SCN2B: variants seen among roughly 807,000 people sequenced by gnomAD.
SCN2B encodes the protein sodium voltage-gated channel beta subunit 2.
A neutral mutation model predicts 18.2 loss-of-function variants in SCN2B; 14 were observed. That is an observed-to-expected ratio of 0.77 (90% CI 0.51 to 1.21). The LOEUF (loss-of-function observed/expected upper bound fraction) is 1.21, where lower values mean the gene tolerates loss of function less well. Among genes scored for constraint, SCN2B ranks in the 50% most tolerant of loss-of-function variants. SCN2B has a pLI of 0.00. For synonymous variants in SCN2B, 115 were observed against 115.3 expected (o/e 1.00, Z 0.02); for missense variants, 262 against 286.9 (o/e 0.91, Z 0.63).
rs1948470672 is a variant in SCN2B, at chr11:118,176,599, C to T, written c.-168G>A. ...ATTTCCATCTCTCTAATATGGCCGG[C>T]TTGTATGTTGCTGCTAAAAAGAGAG... On this transcript the variant is annotated 5_prime_UTR_variant, in exon 1 of 4. Transcript: ENST00000278947. The T allele has an allele frequency of 3.6e-6, 2 of 558,342 alleles. No individual in the cohort carries two copies. Among genetic ancestry groups the T allele is most frequent in the South Asian group, 4.0e-5 (2 of 49,460 alleles). 34.6% of individuals were successfully genotyped at this position (558,342 alleles called of 1,614,324 possible). A position where few individuals can be genotyped will look rare whatever the true frequency, so the allele number is the denominator to read the frequency against.
chr11:118,168,581 T>TCAC lies in SCN2B; in HGVS notation c.237+1_237+3dup. 1 of 1,614,186 alleles carries TCAC rather than the reference T, an allele frequency of 6.2e-7. No individual in the cohort carries two copies. The highest frequency in any genetic ancestry group is 1.3e-5 in the African/African-American group (1 of 75,068). On this transcript the variant is annotated splice_donor_region_variant and intron_variant, in intron 2 of 3. Transcript: ENST00000278947. The surrounding 1 kb of genome is among the most constrained non-coding windows in gnomAD (Gnocchi z 4.7). ...CCTGCCCCTGCCTTCAGCCCAGGAC[T>TCAC]CACCATCTCCTCAGAGCAGTTGTTG...
rs781769664 is a variant in SCN2B at position 118,176,351 on chromosome 11, G to A, written c.70+11C>T. ...TGAACCCTCGGGAGCATGCAGATGT[G>A]TCTAACTTACCCAAAGAGAAAAAGA... On this transcript the variant is annotated intron_variant, in intron 1 of 3. Transcript: ENST00000278947. 15 of 1,608,480 alleles carry A rather than the reference G, an allele frequency of 9.3e-6. No individual in the cohort carries two copies. Among genetic ancestry groups the A allele is most frequent in the Non-Finnish European group, 1.3e-5 (15 of 1,178,904 alleles).
Position 118,166,249 on chromosome 11 carries a change from G to C in SCN2B, c.*638C>G, listed in dbSNP as rs1948381175. The stretch of plus-strand genomic sequence containing the variant: ...AACGGGAGCCCCAAGGAGGCCACTA[G>C]CAATGGAAACGAGGGCCCAACATGG... On this transcript the variant is annotated 3_prime_UTR_variant, in exon 4 of 4. Transcript: ENST00000278947. 6.2e-6 allele frequency: 1 copy of C among 160,276 alleles called. No homozygotes were observed. The allele number at this position is 160,276 out of a possible 1,614,324, so 9.9% of individuals were successfully genotyped here.
intron 1 of SCN2B, among the ~76,000 whole-genome samples, chr11:118,172,590 T>C (rs1948438221): frequency 6.6e-6 from 1 of 152,252 alleles, no homozygotes; most frequent in South Asian, 2.1e-4. Context: ...GTTGTCCCAT[T>C]TGAGACCAGG....
At chr11:118,172,431 C>T (rs985094077) in intron 1 of SCN2B, among the ~76,000 whole-genome samples, 2 of 152,248 alleles carry the variant, frequency 1.3e-5, no homozygotes, top group African/African-American at 2.4e-5. Flanking sequence ...TGGGTTGAGG[C>T]ATTGAAGCTG....
rs1948401936 is a variant in SCN2B at position 118,168,244 on chromosome 11, C to T, written c.289G>A (p.Asp97Asn). ...GGGTTCCCTGAGAACTCCACGCGGT[C>T]TTGAAACCGCTCCAGCTTCAGGTTA... ...IINLKLERFQ[D>N]RVEFSGNPSK... Residue 97 changes from aspartate to asparagine, a missense_variant, in exon 3 of 4, where the codon GAC becomes AAC. Physicochemically the swap from Asp to Asn is conservative, Grantham distance 23. Coordinates refer to ENST00000278947, the MANE Select transcript of SCN2B (RefSeq NM_004588.5). This position sits in a 1 kb window ranked among gnomAD's most constrained non-coding sequence, Gnocchi z 4.7. 3.7e-6 allele frequency: 6 copies of T among 1,614,084 alleles called. No individual in the cohort carries two copies. The highest frequency in any genetic ancestry group is 3.4e-6 in the Non-Finnish European group (4 of 1,180,042).
chr11:118,175,053 G>A (rs891983787), intron 1 of SCN2B, among the ~76,000 whole-genome samples: 2 of 152,208 alleles, frequency 1.3e-5, no homozygotes, highest in African/African-American at 4.8e-5. Flanking sequence ...ATAGTCATCT[G>A]TTTCCTCCCT....
chr11:118,170,913 C>G (rs944232796), intron 1 of SCN2B, among the ~76,000 whole-genome samples: 1 of 152,080 alleles, frequency 6.6e-6, no homozygotes, highest in Admixed American at 6.5e-5. Flanking sequence ...CCAACCAGTC[C>G]GTAGGAATTG....
rs1330080721 is a variant in SCN2B at position 118,166,815 on chromosome 11, G to T, written c.*72C>A. ...GTCACGGGAAGCACACCAAGAGCGAGCAGGCAGGGTCACTGTACAGGGCGG... is the reference window on the plus strand; with the variant it reads ...GTCACGGGAAGCACACCAAGAGCGATCAGGCAGGGTCACTGTACAGGGCGG... On this transcript the variant is annotated 3_prime_UTR_variant, in exon 4 of 4. Coordinates refer to ENST00000278947, the MANE Select transcript of SCN2B (RefSeq NM_004588.5). 4.4e-6 allele frequency: 7 copies of T among 1,585,600 alleles called. No homozygotes were observed. The highest frequency in any genetic ancestry group is 6.0e-6 in the Non-Finnish European group (7 of 1,160,094).
chr11:118,176,465 C>A lies in SCN2B; in HGVS notation c.-34G>T. ...ACTGAGATGTTAGTCGGGTGGGCTA[C>A]GGGAGAGGGTGATTTGAGGGGGCGA... is the stretch of plus-strand genomic sequence containing the variant. On this transcript the variant is annotated 5_prime_UTR_variant, in exon 1 of 4. Coordinates refer to ENST00000278947, the MANE Select transcript of SCN2B (RefSeq NM_004588.5). 6.4e-7 allele frequency: 1 copy of A among 1,568,390 alleles called. No homozygotes were observed. The highest frequency in any genetic ancestry group is 8.8e-7 in the Non-Finnish European group (1 of 1,138,958).
At position 118,164,265 on chromosome 11, in the gene SCN2B, AC is replaced by A. The variant is rs1030902868; in HGVS notation, c.*2621del. On this transcript the variant is annotated 3_prime_UTR_variant, in exon 4 of 4. Transcript: ENST00000278947. ...GGGAGAGAAGGACACTTAAAGGGTGACCAAAAAAATGAAATCTGCAAGCTGC... is the reference window on the plus strand; with the variant it reads ...GGGAGAGAAGGACACTTAAAGGGTGACAAAAAAATGAAATCTGCAAGCTGC... 1.3e-5 allele frequency: 2 copies of A among 152,632 alleles called. No homozygotes were observed. The highest frequency in any genetic ancestry group is 6.5e-5 in the Admixed American group (1 of 15,290). The allele number at this position is 152,632 out of a possible 1,614,324, so 9.5% of individuals were successfully genotyped here. A position where few individuals can be genotyped will look rare whatever the true frequency, so the allele number is the denominator to read the frequency against.
chr11:118,175,928 C>A (rs559974172), intron 1 of SCN2B, among the ~76,000 whole-genome samples: 3 of 152,290 alleles, frequency 2.0e-5, no homozygotes, highest in African/African-American at 7.2e-5. Context: ...AGCTCCCCTG[C>A]ACACTCTCCT....
Position 118,166,623 on chromosome 11 carries a change from C to A in SCN2B, c.*264G>T. On this transcript the variant is annotated 3_prime_UTR_variant, in exon 4 of 4. Coordinates refer to ENST00000278947, the MANE Select transcript of SCN2B (RefSeq NM_004588.5). ...GACCCTCACATGTGCCTCCTGCCTC[C>A]CCCCAGGGACTGGCAGGTGGGAGCC... 1.9e-6 allele frequency: 1 copy of A among 538,098 alleles called. No individual in the cohort carries two copies. Among genetic ancestry groups the A allele is most frequent in the Non-Finnish European group, 3.4e-6 (1 of 296,816 alleles). The allele number at this position is 538,098 out of a possible 1,614,324, so 33.3% of individuals were successfully genotyped here.
intron 1 of SCN2B, among the ~76,000 whole-genome samples, chr11:118,172,489 A>G (rs1175257320): frequency 6.6e-6 from 1 of 152,346 alleles, no homozygotes; most frequent in African/African-American, 2.4e-5. Flanking sequence ...CTTGCCGACT[A>G]TATGGCAGGT....
intron 1 of SCN2B, among the ~76,000 whole-genome samples, chr11:118,173,557 C>T (rs1196979692): frequency 6.6e-6 from 1 of 152,220 alleles, no homozygotes; most frequent in Non-Finnish European, 1.5e-5. Context: ...CTTCATAGGG[C>T]TGTCGAAGGA....
rs201185240 is a variant in SCN2B, at chr11:118,166,885, C to A, written c.*2G>T. On this transcript the variant is annotated 3_prime_UTR_variant, in exon 4 of 4. Coordinates refer to ENST00000278947, the MANE Select transcript of SCN2B (RefSeq NM_004588.5). ...ACGGGAGGCTGCAGGGCCGGCCACC[C>A]ACTACTTGGCGCCATCATCCGGGTT... 1 of 1,613,796 alleles carries A rather than the reference C, an allele frequency of 6.2e-7. No individual in the cohort carries two copies. The highest frequency in any genetic ancestry group is 8.5e-7 in the Non-Finnish European group (1 of 1,180,018).
rs752912825 is a variant in SCN2B, at chr11:118,168,098, C to T, written c.435G>A (p.Gln145=). 1 of 1,613,986 alleles carries T rather than the reference C, an allele frequency of 6.2e-7. No homozygotes were observed. Among genetic ancestry groups the T allele is most frequent in the East Asian group, 2.2e-5 (1 of 44,874 alleles). ...RHRGHGKIHL[Q]VLMEEPPERD... ...CCCAGCCTTCACCTTCCATGAGGAC[C>T]TGCAGATGGATCTTGCCATGGCCAC... The change falls in exon 3 of 4, where the codon CAG becomes CAA. Residue 145 remains glutamine, a synonymous_variant. Transcript: ENST00000278947. This position sits in a 1 kb window ranked among gnomAD's most constrained non-coding sequence, Gnocchi z 4.7.
Position 118,165,623 on chromosome 11 carries a change from C to A in SCN2B, c.*1264G>T, listed in dbSNP as rs1412390646. ...TCCCAAATAGCTGGGATTACAGGCACACGCCACCACGCCCAGCTAATTCTT... is the reference window on the plus strand; with the variant it reads ...TCCCAAATAGCTGGGATTACAGGCAAACGCCACCACGCCCAGCTAATTCTT... On this transcript the variant is annotated 3_prime_UTR_variant, in exon 4 of 4. Transcript: ENST00000278947. 6.6e-6 allele frequency: 1 copy of A among 152,208 alleles called. No homozygotes were observed. The highest frequency in any genetic ancestry group is 1.9e-4 in the East Asian group (1 of 5,186). 9.4% of individuals were successfully genotyped at this position (152,208 alleles called of 1,614,324 possible).
In SCN2B at chr11:118,163,912, C is replaced by T. The variant is rs1020364492; in HGVS notation, c.*2975G>A. 6.6e-5 allele frequency: 10 copies of T among 152,202 alleles called. No individual in the cohort carries two copies. The highest frequency in any genetic ancestry group is 2.4e-4 in the African/African-American group (10 of 41,438). The allele number at this position is 152,202 out of a possible 1,614,324, so 9.4% of individuals were successfully genotyped here. The stretch of plus-strand genomic sequence containing the variant: ...CCATTTTGCTCCCAACTTCACCATC[C>T]TGGGGGAGGCAGCTCTATGAGTCCT... On this transcript the variant is annotated 3_prime_UTR_variant, in exon 4 of 4. Transcript: ENST00000278947.
Sources: allele counts gnomAD v4.1 joint callset (sites outside exome capture counted in the v4.1 genomes callset), GRCh38; gene constraint gnomAD v4.1.1; non-coding constraint Gnocchi (gnomAD v3.1); transcripts MANE v1.5; gene names NCBI Gene and HGNC (gene_info 2026-07-23, HGNC 2026-07-21).